DLGAP2: variants seen among roughly 807,000 people sequenced by gnomAD.
The protein encoded by DLGAP2 is DLG associated protein 2.
A neutral mutation model predicts 100.3 loss-of-function variants in DLGAP2; 26 were observed. The observed-to-expected ratio is 0.26, with a 90% CI of 0.19 to 0.36. The LOEUF (loss-of-function observed/expected upper bound fraction) is 0.36, where lower values mean the gene tolerates loss of function less well. Ranked by LOEUF, DLGAP2 falls within the 10% of genes least tolerant of loss-of-function variation. DLGAP2 has a pLI of 1.00. For synonymous variants in DLGAP2, 886 were observed against 630.1 expected, an observed-to-expected ratio of 1.41 and a Z score of -6.08; for missense variants, 1,858 against 1,453.2, an observed-to-expected ratio of 1.28 and a Z score of -4.53.
At chr8:1,340,795 G>A (rs2117080736) in intron 3 of DLGAP2, among the ~76,000 whole-genome samples, 1 of 152,318 alleles carries the variant, frequency 6.6e-6, no homozygotes, top group African/African-American at 2.4e-5. Context: ...TGTGTTCACT[G>A]CAGCACAGTT....
chr8:1,155,359 T>TG (rs760845736), intron 2 of DLGAP2, among the ~76,000 whole-genome samples: 35 of 152,296 alleles, frequency 2.3e-4, no homozygotes, highest in Admixed American at 6.5e-4. Context: ...GCATCCGGGC[T>TG]GGGGGGTCTC....
intron 4 of DLGAP2, among the ~76,000 whole-genome samples, chr8:1,523,816 C>T (rs1359667209): frequency 3.3e-5 from 5 of 152,318 alleles, no homozygotes; most frequent in East Asian, 1.9e-4. Flanking sequence ...AGTTCCTGCA[C>T]GTCACAGCAT....
At chr8:1,056,777 T>C (rs769466218) in intron 2 of DLGAP2, among the ~76,000 whole-genome samples, 3 of 152,234 alleles carry the variant, frequency 2.0e-5, no homozygotes, top group Non-Finnish European at 4.4e-5. Flanking sequence ...GTTTCTTCAG[T>C]TGTAAAATGG....
At chr8:933,252 G>A (rs1693905887) in intron 2 of DLGAP2, among the ~76,000 whole-genome samples, 1 of 152,258 alleles carries the variant, frequency 6.6e-6, no homozygotes, top group Non-Finnish European at 1.5e-5. Context: ...TGATCATTCT[G>A]TGGGTTAGGG....
Position 1,158,669 on chromosome 8 carries a change from G to A in DLGAP2, c.74-100182G>A, listed in dbSNP as rs140944158. ...CCCGCAGACGGCCGTTGCACTCTGT[G>A]TTTAGTGAGTGACGCCGTCCACGGC... On this transcript the variant is annotated intron_variant, in intron 2 of 14. Transcript: ENST00000637795. 1.1e-3 allele frequency among the ~76,000 whole-genome samples: 168 copies of A among 152,374 alleles called. 1 individual carries two copies. Among genetic ancestry groups the A allele is most frequent in the African/African-American group, 4.0e-3 (165 of 41,592 alleles).
In DLGAP2 at chr8:1,702,420, T is replaced by C. The variant is rs1563072734; in HGVS notation, c.*1014T>C. ...CTTGTTTAAAATGACAGTTGTGATG[T>C]AAAAAGTTTAAGAAATATGAATGTG... On this transcript the variant is annotated 3_prime_UTR_variant, in exon 15 of 15. Coordinates refer to ENST00000637795, the MANE Select transcript of DLGAP2 (RefSeq NM_001346810.2). 6.6e-6 allele frequency: 1 copy of C among 152,614 alleles called. No individual in the cohort carries two copies. The highest frequency in any genetic ancestry group is 1.9e-4 in the East Asian group (1 of 5,196). 9.5% of individuals were successfully genotyped at this position (152,614 alleles called of 1,614,324 possible). A position where few individuals can be genotyped will look rare whatever the true frequency, so the allele number is the denominator to read the frequency against.
chr8:768,172 C>T (rs1024712331), intron 1 of DLGAP2, among the ~76,000 whole-genome samples: 14 of 152,040 alleles, frequency 9.2e-5, no homozygotes, highest in Admixed American at 2.0e-4. Context: ...AGCTGGAGCC[C>T]GTTCACTGCA....
rs549201051 is a variant in DLGAP2, at chr8:1,463,573, G to C, written c.107-37793G>C. On this transcript the variant is annotated intron_variant, in intron 3 of 14. Transcript: ENST00000637795. Reference sequence around the variant, plus strand: ...TGGCCCCGAGCTGGTCCGGCCTCGCGTTGAGGGGTCCAGTGGTTTAAGCCT... The same window carrying C: ...TGGCCCCGAGCTGGTCCGGCCTCGCCTTGAGGGGTCCAGTGGTTTAAGCCT... Among the ~76,000 whole-genome samples, 10 of 152,364 alleles carry C rather than the reference G, an allele frequency of 6.6e-5. No homozygotes were observed. The South Asian group carries it at 1.9e-3, about 28-fold the overall frequency.
intron 11 of DLGAP2, 30 bp downstream of exon 11, chr8:1,676,648 C>T (rs1292808487): frequency 6.3e-7 from 1 of 1,592,000 alleles, no homozygotes; most frequent in Admixed American, 1.8e-5. Context: ...CACGCGGTGA[C>T]CCCCGAGCGA....
Position 1,186,934 on chromosome 8 carries a change from C to T in DLGAP2, c.74-71917C>T, listed in dbSNP as rs1251561124. On this transcript the variant is annotated intron_variant, in intron 2 of 14. Coordinates refer to ENST00000637795, the MANE Select transcript of DLGAP2 (RefSeq NM_001346810.2). ...CAGGTATTTGGGAAATTGTGTGGGG[C>T]AGAAGGAAAATCCAGGAGCCTTGTT... is the stretch of plus-strand genomic sequence containing the variant. Among the ~76,000 whole-genome samples, 4 of 152,254 alleles carry T rather than the reference C, an allele frequency of 2.6e-5. No homozygotes were observed. The East Asian group carries it at 7.7e-4, about 29-fold the overall frequency.
At chr8:1,194,971 C>T (rs1186114224) in intron 2 of DLGAP2, among the ~76,000 whole-genome samples, 3 of 152,178 alleles carry the variant, frequency 2.0e-5, no homozygotes, top group Non-Finnish European at 4.4e-5. Flanking sequence ...CATAGGGCTG[C>T]ACCCCCTCCG....
chr8:1,424,040 G>C (rs1158707775), intron 3 of DLGAP2, among the ~76,000 whole-genome samples: 2 of 152,250 alleles, frequency 1.3e-5, no homozygotes, highest in Non-Finnish European at 2.9e-5. Flanking sequence ...CAGCCAGTTG[G>C]ATGGAGGTTC....
At chr8:1,154,328 C>G (rs1363013160) in intron 2 of DLGAP2, among the ~76,000 whole-genome samples, 3 of 152,126 alleles carry the variant, frequency 2.0e-5, no homozygotes, top group Admixed American at 2.0e-4. Flanking sequence ...CACAGCAGAA[C>G]AGCCAGGACC....
chr8:1,391,577 GGA>G (rs1178397111), intron 3 of DLGAP2, among the ~76,000 whole-genome samples: 1 of 152,200 alleles, frequency 6.6e-6, no homozygotes, highest in Non-Finnish European at 1.5e-5. Context: ...GTTCCACCAT[GGA>G]TGCCTCACAG....
At chr8:938,045 T>C (rs570809415) in intron 2 of DLGAP2, among the ~76,000 whole-genome samples, 1 of 152,172 alleles carries the variant, frequency 6.6e-6, no homozygotes, top group Non-Finnish European at 1.5e-5. Context: ...TCCACACATA[T>C]CTGCTGAGGC....
intron 1 of DLGAP2, among the ~76,000 whole-genome samples, chr8:741,794 G>A (rs909040792): frequency 6.6e-6 from 1 of 152,168 alleles, no homozygotes; most frequent in Non-Finnish European, 1.5e-5. Context: ...CTGACTGGCC[G>A]GAGCCCTAAC....
At chr8:1,659,786 C>T (rs1214937847) in intron 8 of DLGAP2, among the ~76,000 whole-genome samples, 1 of 152,160 alleles carries the variant, frequency 6.6e-6, no homozygotes, top group Non-Finnish European at 1.5e-5. Flanking sequence ...TGGGTCTTGA[C>T]TCTTTATCCA....
At chr8:1,005,688 G>A (rs1355969773) in intron 2 of DLGAP2, among the ~76,000 whole-genome samples, 1 of 151,710 alleles carries the variant, frequency 6.6e-6, no homozygotes, top group African/African-American at 2.4e-5. Flanking sequence ...CCAAAGTGCT[G>A]GTATTACAGG....
intron 2 of DLGAP2, among the ~76,000 whole-genome samples, chr8:1,227,211 T>TTA (rs560954907): frequency 5.1e-5 from 7 of 136,002 alleles, no homozygotes; most frequent in East Asian, 2.1e-4. Context: ...TTTAAGAGTG[T>TTA]TATATATATA....
Sources: gnomAD v4.1 joint callset for allele counts (sites outside exome capture counted in the v4.1 genomes callset) on GRCh38, gnomAD v4.1.1 for gene constraint, MANE v1.5 for transcripts, NCBI Gene and HGNC (gene_info 2026-07-23, HGNC 2026-07-21) for gene names.